The following NCOA6 variants were observed in gnomAD, a reference collection of about 807,000 sequenced individuals.
NCOA6 encodes the protein NRC RAP250.
NCOA6 carries 49 observed loss-of-function variants against 171.4 expected under a neutral mutation model. That is an observed-to-expected ratio of 0.29 (90% CI 0.23 to 0.36). The LOEUF (loss-of-function observed/expected upper bound fraction) is 0.36, where lower values mean the gene tolerates loss of function less well. Among genes scored for constraint, NCOA6 ranks in the 10% least tolerant of loss-of-function variants. NCOA6 has a pLI of 1.00. For synonymous variants in NCOA6, 910 were observed against 927.5 expected (o/e 0.98, Z 0.34); for missense variants, 2,248 against 2,554.5 (o/e 0.88, Z 2.59).
intron 2 of NCOA6, among the ~76,000 whole-genome samples, chr20:34,789,253 A>G (rs1443087313): frequency 6.6e-6 from 1 of 152,238 alleles, no homozygotes; most frequent in African/African-American, 2.4e-5. Context: ...AATCTATGGA[A>G]GTCAACCAAT....
In NCOA6 at chr20:34,786,053, A is replaced by G. The variant is rs958970109; in HGVS notation, c.-49-3649T>C. The stretch of plus-strand genomic sequence containing the variant: ...CAGAGATTTAATTTTTTCCTGGTTC[A>G]GTCTTCCTGGTTCAGCTGAGAGTGT... On this transcript the variant is annotated intron_variant, in intron 2 of 14. Transcript: ENST00000359003. Among the ~76,000 whole-genome samples the G allele has an allele frequency of 2.0e-5, 3 of 152,132 alleles. No homozygotes were observed. In the South Asian group the frequency reaches 6.2e-4, roughly 31 times the overall value.
At chr20:34,787,066 A>G (rs1227600253) in intron 2 of NCOA6, among the ~76,000 whole-genome samples, 1 of 151,658 alleles carries the variant, frequency 6.6e-6, no homozygotes, top group Non-Finnish European at 1.5e-5. Context: ...TTTGCAATCT[A>G]CCCATCTGAC....
At chr20:34,715,721 G>A (rs1437294353) in intron 14 of NCOA6, among the ~76,000 whole-genome samples, 1 of 152,154 alleles carries the variant, frequency 6.6e-6, no homozygotes, top group Non-Finnish European at 1.5e-5. Flanking sequence ...AATGCTTTTG[G>A]TGAGAAATCA....
intron 14 of NCOA6, among the ~76,000 whole-genome samples, chr20:34,722,447 A>G (rs188572525): frequency 8.2e-4 from 124 of 152,034 alleles, no homozygotes; most frequent in African/African-American, 2.9e-3. Flanking sequence ...TGGGAGGCCA[A>G]TGTGGGAGGA....
chr20:34,795,811 A>G (rs773497815), intron 1 of NCOA6, among the ~76,000 whole-genome samples: 38 of 152,118 alleles, frequency 2.5e-4, no homozygotes, highest in Non-Finnish European at 8.8e-5. Flanking sequence ...GTTATTTGTA[A>G]TTAGGTAGAG....
intron 14 of NCOA6, among the ~76,000 whole-genome samples, chr20:34,725,434 C>G (rs1019335656): frequency 3.9e-4 from 59 of 152,090 alleles, no homozygotes; most frequent in African/African-American, 1.4e-3. Context: ...GAGAAGAGCA[C>G]TCCCTGCAGT....
chr20:34,746,810 G>C lies in NCOA6; in HGVS notation c.2911C>G (p.Pro971Ala). 1 of 1,606,496 alleles carries C rather than the reference G, an allele frequency of 6.2e-7. No homozygotes were observed. Among genetic ancestry groups the C allele is most frequent in the Non-Finnish European group, 8.5e-7 (1 of 1,175,218 alleles). ...AATCTAGCTAACATTTTATCACCTG[G>C]TGGCCGGTTTGAAAATTCTGGCAGT... ...PKLPEFSNRP[P>A]GYPSQPVEQR... Residue 971 changes from proline to alanine, a missense_variant, in exon 10 of 15, where the codon CCA becomes GCA. Pro to Ala is a conservative substitution (Grantham distance 27). Around this residue, in one of 7 missense-constraint regions of NCOA6, gnomAD observed 352 missense variants for 419.1 expected, o/e 0.84. Coordinates refer to ENST00000359003, the MANE Select transcript of NCOA6 (RefSeq NM_014071.5).
Position 34,743,305 on chromosome 20 carries a change from T to G in NCOA6, c.2951A>C (p.Gln984Pro). Reference sequence around the variant, plus strand: ...CTGCATGAGTTGAGGAGGCATCTGCTGAAGTGGCCTCTGTTCAACTGGTTG... The same window carrying G: ...CTGCATGAGTTGAGGAGGCATCTGCGGAAGTGGCCTCTGTTCAACTGGTTG... ...PSQPVEQRPL[Q>P]QMPPQLMQHV... The change falls in exon 11 of 15, where the codon CAG becomes CCG. Residue 984 changes from glutamine (Q) to proline (P), a missense_variant. Physicochemically the swap from Gln to Pro is moderately conservative, Grantham distance 76 (BLOSUM62 -1). This residue lies in a region of NCOA6 where 352 missense variants were observed against 419.1 expected (regional missense o/e 0.84). Transcript: ENST00000359003. The G allele has an allele frequency of 6.2e-7, 1 of 1,611,980 alleles. No individual in the cohort carries two copies. Among genetic ancestry groups the G allele is most frequent in the Non-Finnish European group, 8.5e-7 (1 of 1,178,430 alleles).
intron 13 of NCOA6, 117 bp from the exon 14 acceptor site, chr20:34,727,524 T>C (rs994699901): frequency 2.6e-6 from 3 of 1,145,034 alleles, no homozygotes; most frequent in Non-Finnish European, 2.5e-6. Context: ...ATAGTTATTC[T>C]GGAGAGAAAG....
chr20:34,742,050 A>T lies in NCOA6; in HGVS notation c.4206T>A (p.Thr1402=), dbSNP rs1191922700. 1 of 1,612,804 alleles carries T rather than the reference A, an allele frequency of 6.2e-7. No homozygotes were observed. The highest frequency in any genetic ancestry group is 1.4e-5 in the African/African-American group (1 of 73,764). The change falls in exon 11 of 15, where the codon ACT becomes ACA. Residue 1402 remains threonine (T), a synonymous_variant. Transcript: ENST00000359003. ...CACCCCCAACTGCAGCCACAGACACAGTAGAATTCTGAGGATTCAGCCCAC... is the reference window on the plus strand; with the variant it reads ...CACCCCCAACTGCAGCCACAGACACTGTAGAATTCTGAGGATTCAGCCCAC... ...NNSGLNPQNS[T]VSVAAVGGVV...
In NCOA6 at chr20:34,776,364, C is replaced by A; in HGVS notation, c.320G>T (p.Arg107Leu). 1 of 1,614,118 alleles carries A rather than the reference C, an allele frequency of 6.2e-7. No individual in the cohort carries two copies. The highest frequency in any genetic ancestry group is 8.5e-7 in the Non-Finnish European group (1 of 1,180,030). The part of the protein sequence containing the change: ...TFNIPREAAE[R>L]LRILAQSNNQ... ...GTTGCTCTGAGCAAGGATCCGTAGC[C>A]GCTCCGCTGCTTCCCGGGGGATGTT... The change falls in exon 4 of 15, where the codon CGG (arginine) becomes CTG (leucine). Residue 107 changes from arginine to leucine, a missense_variant. Physicochemically the swap from Arg to Leu is moderately radical, Grantham distance 102. Around this residue, in one of 7 missense-constraint regions of NCOA6, gnomAD observed 987 missense variants for 1,104.7 expected, o/e 0.89. Transcript: ENST00000359003.
intron 9 of NCOA6, among the ~76,000 whole-genome samples, chr20:34,748,465 G>T (rs1429169253): frequency 2.6e-5 from 4 of 152,068 alleles, no homozygotes; most frequent in Non-Finnish European, 4.4e-5. Context: ...AAAGTTTCTT[G>T]ATTCTTTTTC....
chr20:34,759,025 A>ATT, intron 5 of NCOA6, 92 bp from the exon 6 acceptor site: 1 of 1,388,670 alleles, frequency 7.2e-7, no homozygotes, highest in Non-Finnish European at 9.9e-7. Context: ...GATATGGAAA[A>ATT]TTTGTTTTTT....
intron 1 of NCOA6, among the ~76,000 whole-genome samples, chr20:34,802,199 G>C (rs2078277302): frequency 6.6e-6 from 1 of 152,222 alleles, no homozygotes; most frequent in Admixed American, 6.5e-5. Context: ...GGGTGCGGTG[G>C]CTCACGCCTA....
At chr20:34,766,056 T>A (rs780974552) in intron 5 of NCOA6, among the ~76,000 whole-genome samples, 19 of 152,218 alleles carry the variant, frequency 1.2e-4, no homozygotes, top group Non-Finnish European at 2.1e-4. Context: ...ATTTAGCTGT[T>A]CAGTTTAACC....
chr20:34,811,269 C>A (rs2078657593), intron 1 of NCOA6, among the ~76,000 whole-genome samples: 2 of 131,780 alleles, frequency 1.5e-5, no homozygotes, highest in East Asian at 2.3e-4. Flanking sequence ...ATGATTATCT[C>A]TATTCAAATA....
At position 34,757,316 on chromosome 20, in the gene NCOA6, G is replaced by T. The variant is rs1381819947; in HGVS notation, c.1432C>A (p.Pro478Thr). 1 of 1,614,138 alleles carries T rather than the reference G, an allele frequency of 6.2e-7. No homozygotes were observed. Among genetic ancestry groups the T allele is most frequent in the South Asian group, 1.1e-5 (1 of 91,088 alleles). The part of the protein sequence containing the change: ...QQPVSSPGRN[P>T]MVQQGNVPPN... The stretch of plus-strand genomic sequence containing the variant: ...GGCACATTTCCCTGTTGAACCATAG[G>T]ATTCCGACCCGGAGAGCTGACAGGC... The change falls in exon 7 of 15, where the codon CCT (proline) becomes ACT (threonine). Residue 478 changes from proline (P) to threonine (T), a missense_variant. Around this residue, in one of 7 missense-constraint regions of NCOA6, gnomAD observed 987 missense variants for 1,104.7 expected, o/e 0.89. Coordinates refer to ENST00000359003, the MANE Select transcript of NCOA6 (RefSeq NM_014071.5).
chr20:34,742,490 T>C lies in NCOA6; in HGVS notation c.3766A>G (p.Ile1256Val), dbSNP rs2076175874. 2 of 1,614,210 alleles carry C rather than the reference T, an allele frequency of 1.2e-6. No homozygotes were observed. The highest frequency in any genetic ancestry group is 1.1e-5 in the South Asian group (1 of 91,086). The change falls in exon 11 of 15, where the codon ATT becomes GTT. Residue 1256 changes from isoleucine to valine, a missense_variant. Physicochemically the swap from Ile to Val is conservative, Grantham distance 29. Around this residue, in one of 7 missense-constraint regions of NCOA6, gnomAD observed 14 missense variants for 17.6 expected, o/e 0.80. Coordinates refer to ENST00000359003, the MANE Select transcript of NCOA6 (RefSeq NM_014071.5). ...GGCCTAGGAGGTAAAGGAATATTAATCTGTGGAGGGAAGAGTCCTGCTATG... is the reference window on the plus strand; with the variant it reads ...GGCCTAGGAGGTAAAGGAATATTAACCTGTGGAGGGAAGAGTCCTGCTATG... ...ASIAGLFPPQ[I>V]NIPLPPRPNL...
At chr20:34,715,393 G>A (rs758025938) in intron 14 of NCOA6, 28 bp from the exon 15 acceptor site, 5 of 1,557,828 alleles carry the variant, frequency 3.2e-6, no homozygotes, top group Non-Finnish European at 4.4e-6. Flanking sequence ...GACATGTTCA[G>A]TGGAAGTAAC....
Sources: allele counts gnomAD v4.1 joint callset (sites outside exome capture counted in the v4.1 genomes callset), GRCh38; gene constraint gnomAD v4.1.1; regional missense constraint gnomAD v4.1.1; transcripts MANE v1.5; gene names NCBI Gene and HGNC (gene_info 2026-07-23, HGNC 2026-07-21).